Variants in KPNA6 observed in about 807,000 individuals in gnomAD.
KPNA6 encodes importin subunit alpha-7.
A neutral mutation model predicts 72.0 loss-of-function variants in KPNA6; 9 were observed. That is an observed-to-expected ratio of 0.13 (90% CI 0.08 to 0.22). The LOEUF (loss-of-function observed/expected upper bound fraction) is 0.22. Among genes scored for constraint, KPNA6 ranks in the 10% least tolerant of loss-of-function variants. The pLI is 1.00. For synonymous variants in KPNA6, 219 were observed against 242.1 expected (o/e 0.90, Z 0.89); for missense variants, 374 against 655.7 (o/e 0.57, Z 4.69).
At chr1:32,167,112 T>C in intron 11 of KPNA6, 57 bp from the exon 12 acceptor site, 6 of 1,593,612 alleles carry the variant, frequency 3.8e-6, no homozygotes, top group Non-Finnish European at 5.1e-6. Flanking sequence ...ACTAGATTTA[T>C]TTATCATGCT....
intron 1 of KPNA6, among the ~76,000 whole-genome samples, chr1:32,133,725 A>C (rs1388434276): frequency 6.6e-6 from 1 of 151,868 alleles, no homozygotes; most frequent in Non-Finnish European, 1.5e-5. Flanking sequence ...TGAAAGAAAA[A>C]CCGTCAAGCA....
At chr1:32,128,365 AT>A (rs1392522278) in intron 1 of KPNA6, among the ~76,000 whole-genome samples, 4 of 134,366 alleles carry the variant, frequency 3.0e-5, no homozygotes, top group African/African-American at 8.0e-5. Flanking sequence ...GAATATATAT[AT>A]TTTTTATATT....
In KPNA6 at chr1:32,172,896, C is replaced by A. The variant is rs537081801; in HGVS notation, c.*2002C>A. 4.8e-5 allele frequency: 19 copies of A among 393,482 alleles called. No homozygotes were observed. The highest frequency in any genetic ancestry group is 8.5e-5 in the Non-Finnish European group (19 of 223,592). 24.4% of individuals were successfully genotyped at this position (393,482 alleles called of 1,614,324 possible). On this transcript the variant is annotated 3_prime_UTR_variant, in exon 14 of 14. Transcript: ENST00000373625. Reference sequence around the variant, plus strand: ...AAATCCATGCCCTTCTGCTTATAGACCTAAAGTTCAGGTACTTATTATTGG... The same window carrying A: ...AAATCCATGCCCTTCTGCTTATAGAACTAAAGTTCAGGTACTTATTATTGG...
intron 1 of KPNA6, among the ~76,000 whole-genome samples, chr1:32,133,823 T>C (rs1641684435): frequency 6.6e-6 from 1 of 152,092 alleles, no homozygotes; most frequent in African/African-American, 2.4e-5. Context: ...GCGGATCACT[T>C]GAGGTCAGGA....
At position 32,120,728 on chromosome 1, in the gene KPNA6, G is replaced by A. The variant is rs1478222430; in HGVS notation, c.4+12594G>A. On this transcript the variant is annotated intron_variant, in intron 1 of 13. Coordinates refer to ENST00000373625, the MANE Select transcript of KPNA6 (RefSeq NM_012316.5). ...ATTACAGGCGCCTGCCATCACACTC[G>A]GTTAATTTTTTGTATCTTTAGTAGA... 2.7e-5 allele frequency among the ~76,000 whole-genome samples: 4 copies of A among 148,902 alleles called. 1 individual carries two copies. The highest frequency in any genetic ancestry group is 4.3e-4 in the South Asian group (2 of 4,666).
At position 32,141,375 on chromosome 1, in the gene KPNA6, CTTTTTTTTTTTTTTTTTTT is replaced by C. The variant is rs71006334; in HGVS notation, c.5-13191_5-13173del. Among the ~76,000 whole-genome samples, 276 of 54,462 alleles carry C rather than the reference CTTTTTTTTTTTTTTTTTTT, an allele frequency of 5.1e-3. 4 individuals carry two copies. The highest frequency in any genetic ancestry group is 0.018 in the Middle Eastern group (1 of 56). 35.7% of individuals were successfully genotyped at this position (54,462 alleles called of 152,430 possible). On this transcript the variant is annotated intron_variant, in intron 1 of 13. Transcript: ENST00000373625. ...AGGGCTTTTTTTTTTTAAGTTAATC[CTTTTTTTTTTTTTTTTTTT>C]TTTTTTTTTTTTTTTTTTTTTGAGA...
chr1:32,158,323 G>A lies in KPNA6; in HGVS notation c.388G>A (p.Val130Met). Residue 130 changes from valine to methionine, a missense_variant, in exon 5 of 14, where the codon GTG (valine) becomes ATG (methionine). Val to Met is a conservative substitution (Grantham distance 21). Transcript: ENST00000373625. The stretch of plus-strand genomic sequence containing the variant: ...CACTCCAAGAGTGGTGGATCGGTTC[G>A]TGGAGTTTCTGAAGAGGAATGAGAA... ...INTPRVVDRF[V>M]EFLKRNENCT... 6.2e-7 allele frequency: 1 copy of A among 1,613,484 alleles called. No homozygotes were observed. The highest frequency in any genetic ancestry group is 8.5e-7 in the Non-Finnish European group (1 of 1,179,428).
At chr1:32,110,657 T>C (rs553153305) in intron 1 of KPNA6, among the ~76,000 whole-genome samples, 11 of 151,992 alleles carry the variant, frequency 7.2e-5, no homozygotes, top group Non-Finnish European at 1.5e-4. Context: ...TATAATCCCA[T>C]AGGCCGAGGC....
rs981113896 is a variant in KPNA6 at position 32,174,874 on chromosome 1, C to T, written c.*3980C>T. The T allele has an allele frequency of 6.6e-6, 1 of 152,240 alleles. No individual in the cohort carries two copies. Among genetic ancestry groups the T allele is most frequent in the Non-Finnish European group, 1.5e-5 (1 of 68,052 alleles). The allele number at this position is 152,240 out of a possible 1,614,324, so 9.4% of individuals were successfully genotyped here. ...TAGTGAGTGTGAGACTGAGATATTGCTCAGAATAAATTTATTCCATAGCCA... is the reference window on the plus strand; with the variant it reads ...TAGTGAGTGTGAGACTGAGATATTGTTCAGAATAAATTTATTCCATAGCCA... On this transcript the variant is annotated 3_prime_UTR_variant, in exon 14 of 14. Transcript: ENST00000373625.
intron 2 of KPNA6, among the ~76,000 whole-genome samples, chr1:32,155,211 G>C (rs939811212): frequency 2.0e-5 from 3 of 150,844 alleles, no homozygotes; most frequent in African/African-American, 7.3e-5. Context: ...CTTTGAGAAA[G>C]AGAAAACTGA....
intron 1 of KPNA6, among the ~76,000 whole-genome samples, chr1:32,126,073 ATTGGGTC>A (rs1557461358): frequency 6.9e-6 from 1 of 144,678 alleles, no homozygotes; most frequent in Non-Finnish European, 1.5e-5. Context: ...GTTTGTAGAG[ATTGGGTC>A]TTGCTTAGTT....
chr1:32,143,735 C>G (rs1641883197), intron 1 of KPNA6, among the ~76,000 whole-genome samples: 1 of 152,136 alleles, frequency 6.6e-6, no homozygotes, highest in Non-Finnish European at 1.5e-5. Context: ...AACAGAAATT[C>G]TGTACCCACT....
At position 32,174,916 on chromosome 1, in the gene KPNA6, C is replaced by T. The variant is rs1642500170; in HGVS notation, c.*4022C>T. 1 of 152,234 alleles carries T rather than the reference C, an allele frequency of 6.6e-6. No individual in the cohort carries two copies. Among genetic ancestry groups the T allele is most frequent in the Admixed American group, 6.5e-5 (1 of 15,288 alleles). The allele number at this position is 152,234 out of a possible 1,614,324, so 9.4% of individuals were successfully genotyped here. A position where few individuals can be genotyped will look rare whatever the true frequency, so the allele number is the denominator to read the frequency against. On this transcript the variant is annotated 3_prime_UTR_variant, in exon 14 of 14. Transcript: ENST00000373625. ...CCATAGCCATTTAGGATTGCATGTT[C>T]TGGACCAACCTTGTCCAGTATGTTT...
rs904657614 is a variant in KPNA6, at chr1:32,172,521, A to G, written c.*1627A>G. ...TTTTTTTTTTTTTTTTTTTAGAGCTATTGCGTATCTTCCCTGTTTGGGATC... is the reference window on the plus strand; with the variant it reads ...TTTTTTTTTTTTTTTTTTTAGAGCTGTTGCGTATCTTCCCTGTTTGGGATC... On this transcript the variant is annotated 3_prime_UTR_variant, in exon 14 of 14. Transcript: ENST00000373625. 1 of 129,684 alleles carries G rather than the reference A, an allele frequency of 7.7e-6. No individual in the cohort carries two copies. Among genetic ancestry groups the G allele is most frequent in the African/African-American group, 3.0e-5 (1 of 33,886 alleles). The allele number at this position is 129,684 out of a possible 1,614,324, so 8.0% of individuals were successfully genotyped here. A position where few individuals can be genotyped will look rare whatever the true frequency, so the allele number is the denominator to read the frequency against.
intron 1 of KPNA6, among the ~76,000 whole-genome samples, chr1:32,154,247 A>C (rs566312660): frequency 6.6e-6 from 1 of 152,276 alleles, no homozygotes; most frequent in Non-Finnish European, 1.5e-5. Context: ...TTAAAGATTA[A>C]ATTCTGAAGC....
chr1:32,128,004 A>G (rs1485750944), intron 1 of KPNA6, among the ~76,000 whole-genome samples: 1 of 152,088 alleles, frequency 6.6e-6, no homozygotes, highest in Admixed American at 6.6e-5. Context: ...GCAAGTGCTT[A>G]GGAGCTATTC....
At position 32,174,165 on chromosome 1, in the gene KPNA6, C is replaced by G. The variant is rs1055748044; in HGVS notation, c.*3271C>G. ...CATGGGTCAGGGAATACAAATGGCCCCCCCCCAGGGAGCAGGTGTTGGCCT... is the reference window on the plus strand; with the variant it reads ...CATGGGTCAGGGAATACAAATGGCCGCCCCCCAGGGAGCAGGTGTTGGCCT... On this transcript the variant is annotated 3_prime_UTR_variant, in exon 14 of 14. Transcript: ENST00000373625. The G allele has an allele frequency of 6.6e-6, 1 of 152,244 alleles. No homozygotes were observed. Among genetic ancestry groups the G allele is most frequent in the Non-Finnish European group, 1.5e-5 (1 of 68,118 alleles). The allele number at this position is 152,244 out of a possible 1,614,324, so 9.4% of individuals were successfully genotyped here.
rs1473958339 is a variant in KPNA6 at position 32,173,826 on chromosome 1, C to G, written c.*2932C>G. The G allele has an allele frequency of 6.6e-6, 1 of 152,276 alleles. No homozygotes were observed. Among genetic ancestry groups the G allele is most frequent in the Non-Finnish European group, 1.5e-5 (1 of 68,094 alleles). The allele number at this position is 152,276 out of a possible 1,614,324, so 9.4% of individuals were successfully genotyped here. A position where few individuals can be genotyped will look rare whatever the true frequency, so the allele number is the denominator to read the frequency against. On this transcript the variant is annotated 3_prime_UTR_variant, in exon 14 of 14. Coordinates refer to ENST00000373625, the MANE Select transcript of KPNA6 (RefSeq NM_012316.5). ...GAATACCCTAATTAGTTGAGGCATG[C>G]TTTTGGAATCCTGGCATGTTGGCAT...
At chr1:32,132,449 T>A (rs1416776317) in intron 1 of KPNA6, among the ~76,000 whole-genome samples, 1 of 152,160 alleles carries the variant, frequency 6.6e-6, no homozygotes, top group Non-Finnish European at 1.5e-5. Flanking sequence ...CATGCCCCCA[T>A]GTCTGGCTTT....
Sources: allele counts gnomAD v4.1 joint callset (sites outside exome capture counted in the v4.1 genomes callset), GRCh38; gene constraint gnomAD v4.1.1; transcripts MANE v1.5; gene names NCBI Gene and HGNC (gene_info 2026-07-23, HGNC 2026-07-21).